VPS8: variants seen among roughly 807,000 people sequenced by gnomAD.
The protein encoded by VPS8 is VPS8 subunit of CORVET complex.
VPS8 carries 129 observed loss-of-function variants against 216.4 expected under a neutral mutation model. The ratio of observed to expected loss-of-function variants is 0.60; its 90% CI spans 0.52 to 0.69. VPS8 has a LOEUF of 0.69. VPS8 is among the 30% of genes least tolerant of loss of function. VPS8 has a pLI of 0.00. For missense variants in VPS8, 1,531 were observed against 1,683.5 expected (o/e 0.91, Z 1.59); for synonymous variants, 571 against 565.4 (o/e 1.01, Z -0.14).
chr3:184,817,469 G>A (rs1471262223), intron 1 of VPS8: 1 of 152,152 alleles, frequency 6.6e-6, no homozygotes, highest in East Asian at 1.9e-4. Flanking sequence ...AGAGGAGAAC[G>A]ATGTTATGGG....
At position 185,051,865 on chromosome 3, in the gene VPS8, T is replaced by C; in HGVS notation, c.4138-11T>C. On this transcript the variant is annotated splice_polypyrimidine_tract_variant and intron_variant, in intron 47 of 47. Coordinates refer to ENST00000625842, the MANE Select transcript of VPS8 (RefSeq NM_001009921.3). The stretch of plus-strand genomic sequence containing the variant: ...CACAAACCTTAGCTGATGTGTGTCC[T>C]TCCTTTGCAGCTGGCTCTCCTCACG... The C allele has an allele frequency of 6.3e-7, 1 of 1,588,994 alleles. No individual in the cohort carries two copies. Among genetic ancestry groups the C allele is most frequent in the Non-Finnish European group, 8.6e-7 (1 of 1,167,770 alleles).
At chr3:185,035,394 A>G (rs1758746602) in intron 46 of VPS8, among the ~76,000 whole-genome samples, 1 of 152,206 alleles carries the variant, frequency 6.6e-6, no homozygotes, top group Non-Finnish European at 1.5e-5. Context: ...CCAGTACATC[A>G]AAAAGTTAAC....
chr3:184,914,924 G>T, intron 26 of VPS8, 57 bp from the exon 27 acceptor site: 1 of 1,504,590 alleles, frequency 6.6e-7, no homozygotes, highest in South Asian at 1.1e-5. Context: ...TGTGTTACTC[G>T]CTTGAAAGTT....
chr3:185,022,773 G>T (rs1400838717), intron 45 of VPS8, among the ~76,000 whole-genome samples: 1 of 151,992 alleles, frequency 6.6e-6, no homozygotes, highest in Non-Finnish European at 1.5e-5. Flanking sequence ...AATTATCTTG[G>T]TTGTTTATTT....
intron 21 of VPS8, among the ~76,000 whole-genome samples, chr3:184,878,448 G>A (rs1440709539): frequency 2.6e-5 from 4 of 152,158 alleles, no homozygotes; most frequent in Admixed American, 2.6e-4. Context: ...TCGTTACTAA[G>A]CTCTCCTTCC....
chr3:184,837,288 C>T (rs575130336), intron 5 of VPS8, among the ~76,000 whole-genome samples: 113 of 152,166 alleles, frequency 7.4e-4, no homozygotes, highest in Non-Finnish European at 1.5e-3. Context: ...AACAGACCTT[C>T]GAATAACATC....
At chr3:184,873,556 C>G (rs918525035) in intron 21 of VPS8, among the ~76,000 whole-genome samples, 1 of 152,050 alleles carries the variant, frequency 6.6e-6, no homozygotes, top group Admixed American at 6.6e-5. Context: ...ATTATTTGTT[C>G]CAGGTCACAA....
chr3:185,023,844 A>G (rs1756989431), intron 45 of VPS8, among the ~76,000 whole-genome samples: 1 of 152,126 alleles, frequency 6.6e-6, no homozygotes, highest in South Asian at 2.1e-4. Flanking sequence ...ATATTTAAAT[A>G]TATTTCTGTA....
chr3:184,852,361 T>G, intron 10 of VPS8, 139 bp from the exon 11 acceptor site: 1 of 637,260 alleles, frequency 1.6e-6, no homozygotes, highest in South Asian at 2.2e-5. Flanking sequence ...TTTAGAGTGA[T>G]GAGCACTGAA....
At position 184,999,850 on chromosome 3, in the gene VPS8, A is replaced by G. The variant is rs1753158445; in HGVS notation, c.3991A>G (p.Thr1331Ala). Residue 1331 changes from threonine to alanine, a missense_variant, in exon 45 of 48, where the codon ACC (threonine) becomes GCC (alanine). Thr to Ala is a moderately conservative substitution (Grantham distance 58). Coordinates refer to ENST00000625842, the MANE Select transcript of VPS8 (RefSeq NM_001009921.3). ...NSSEIKKGRITPSQVKMSPSY... is the reference protein window; with the variant it reads ...NSSEIKKGRIAPSQVKMSPSY... Reference sequence around the variant, plus strand: ...ATCTGAAATTAAAAAGGGAAGGATAACCCCATCACAGGTAAGACTTGTTTT... The same window carrying G: ...ATCTGAAATTAAAAAGGGAAGGATAGCCCCATCACAGGTAAGACTTGTTTT... 4 of 1,608,350 alleles carry G rather than the reference A, an allele frequency of 2.5e-6. No homozygotes were observed. The East Asian group carries it at 8.9e-5, about 36-fold the overall frequency.
At chr3:184,940,270 T>TTAA in intron 36 of VPS8, 27 bp downstream of exon 36, 1 of 578,732 alleles carries the variant, frequency 1.7e-6, no homozygotes, top group Non-Finnish European at 2.6e-6. Flanking sequence ...TAGTCTTTCA[T>TTAA]TATATATATA....
intron 32 of VPS8, 90 bp from the exon 33 acceptor site, chr3:184,929,490 C>T: frequency 5.4e-6 from 4 of 741,544 alleles, no homozygotes; most frequent in Non-Finnish European, 9.0e-6. Flanking sequence ...ACACCTGGCC[C>T]ACTTTTCCTA....
Position 184,852,663 on chromosome 3 carries a change from A to C in VPS8, c.821+96A>C, listed in dbSNP as rs1441639349. The C allele has an allele frequency of 3.5e-6, 4 of 1,159,258 alleles. No homozygotes were observed. The African/African-American group carries it at 6.2e-5, about 18-fold the overall frequency. The allele number at this position is 1,159,258 out of a possible 1,614,324, so 71.8% of individuals were successfully genotyped here. On this transcript the variant is annotated intron_variant, in intron 11 of 47. Coordinates refer to ENST00000625842, the MANE Select transcript of VPS8 (RefSeq NM_001009921.3). Reference sequence around the variant, plus strand: ...TGAAGAGGACTAGAAAGCCCCTGTAATTGAGAGTAGATTATGACTGTGTAT... The same window carrying C: ...TGAAGAGGACTAGAAAGCCCCTGTACTTGAGAGTAGATTATGACTGTGTAT...
At chr3:184,995,090 G>T (rs4686944) in intron 43 of VPS8, among the ~76,000 whole-genome samples, 135,166 of 152,242 alleles carry the variant, frequency 0.89, 61,413 homozygotes, top group Non-Finnish European at 0.98. Flanking sequence ...GATGAGATTT[G>T]GGTGGGGACA....
intron 1 of VPS8, among the ~76,000 whole-genome samples, chr3:184,814,915 A>C (rs1388785741): frequency 6.6e-6 from 1 of 152,238 alleles, no homozygotes; most frequent in African/African-American, 2.4e-5. Flanking sequence ...ACTTAGCTTA[A>C]AATACAAACA....
intron 20 of VPS8, among the ~76,000 whole-genome samples, 194 bp downstream of exon 20, chr3:184,869,722 C>T (rs1200806385): frequency 1.3e-5 from 2 of 151,648 alleles, no homozygotes; most frequent in African/African-American, 2.4e-5. Flanking sequence ...GACCCCGTCT[C>T]TAAAAAAAAA....
chr3:184,837,768 G>GATACA (rs1340506577), intron 5 of VPS8, among the ~76,000 whole-genome samples: 5 of 152,202 alleles, frequency 3.3e-5, no homozygotes, highest in African/African-American at 1.2e-4. Context: ...ATGTGTAAGT[G>GATACA]ATACAAGGAG....
chr3:184,941,067 A>G (rs1360324680), intron 36 of VPS8, among the ~76,000 whole-genome samples: 2 of 152,258 alleles, frequency 1.3e-5, no homozygotes, highest in African/African-American at 4.8e-5. Flanking sequence ...CATAGCTTTC[A>G]TATCAGACAT....
rs200456100 is a variant in VPS8 at position 184,936,264 on chromosome 3, C to T, written c.2917C>T (p.Pro973Ser). 7 of 1,609,930 alleles carry T rather than the reference C, an allele frequency of 4.3e-6. No homozygotes were observed. Among genetic ancestry groups the T allele is most frequent in the Non-Finnish European group, 5.9e-6 (7 of 1,178,228 alleles). ...DHIEELVSLK[P>S]CKAAELVATH... ...ACTCCAGGAACTCGTGTCCCTGAAGCCTTGTAAAGCTGCGGAGCTGGTTGC... is the reference window on the plus strand; with the variant it reads ...ACTCCAGGAACTCGTGTCCCTGAAGTCTTGTAAAGCTGCGGAGCTGGTTGC... Residue 973 changes from proline to serine, a missense_variant, in exon 35 of 48, where the codon CCT (proline) becomes TCT (serine). Pro to Ser is a moderately conservative substitution (Grantham distance 74). Transcript: ENST00000625842.
Sources: gnomAD v4.1 joint callset for allele counts (sites outside exome capture counted in the v4.1 genomes callset) on GRCh38, gnomAD v4.1.1 for gene constraint, MANE v1.5 for transcripts, NCBI Gene and HGNC (gene_info 2026-07-23, HGNC 2026-07-21) for gene names.